The following RASSF8 variants were observed in gnomAD, a reference collection of about 807,000 sequenced individuals.
RASSF8 encodes the protein Ras association domain family member 8.
A neutral mutation model predicts 48.5 loss-of-function variants in RASSF8; 22 were observed. The ratio of observed to expected loss-of-function variants is 0.45; its 90% CI spans 0.32 to 0.65. RASSF8 has a LOEUF of 0.65. Among genes scored for constraint, RASSF8 ranks in the 30% least tolerant of loss-of-function variants. The pLI is 0.03. For missense variants in RASSF8, 418 were observed against 489.2 expected, an observed-to-expected ratio of 0.85 and a Z score of 1.37; for synonymous variants, 127 against 171.5, an observed-to-expected ratio of 0.74 and a Z score of 2.03.
intron 2 of RASSF8, among the ~76,000 whole-genome samples, chr12:26,012,682 C>CTTTTTTTT (rs775400464): frequency 4.6e-5 from 6 of 131,800 alleles, no homozygotes; most frequent in African/African-American, 5.7e-5. Context: ...GGCCTTTTTT[C>CTTTTTTTT]TTTTTTTTTT....
intron 1 of RASSF8, among the ~76,000 whole-genome samples, chr12:25,967,898 C>A (rs1292176074): frequency 6.6e-6 from 1 of 152,188 alleles, no homozygotes. Context: ...TCAAGTCATG[C>A]AAGGATGGGA....
At chr12:26,026,106 C>A (rs1331777778) in intron 2 of RASSF8, among the ~76,000 whole-genome samples, 1 of 152,078 alleles carries the variant, frequency 6.6e-6, no homozygotes, top group Non-Finnish European at 1.5e-5. Flanking sequence ...ATCAAATGTG[C>A]AAGCAACAAA....
intron 1 of RASSF8, among the ~76,000 whole-genome samples, chr12:25,976,042 A>G (rs56169892): frequency 0.098 from 14,894 of 152,224 alleles, 778 homozygotes; most frequent in Middle Eastern, 0.15. Context: ...ATTCCAAGCC[A>G]GTAGGCTTTT....
chr12:25,971,454 T>G (rs1377066452), intron 1 of RASSF8, among the ~76,000 whole-genome samples: 4 of 152,208 alleles, frequency 2.6e-5, no homozygotes, highest in African/African-American at 9.7e-5. Context: ...ATCATCCTGT[T>G]GCATATTCAG....
downstream of RASSF8, among the ~76,000 whole-genome samples, chr12:26,075,733 A>G (rs1944065995): frequency 6.6e-6 from 1 of 152,214 alleles, no homozygotes; most frequent in South Asian, 2.1e-4. Context: ...ATACTTAGTA[A>G]CAAAATATTT....
intron 2 of RASSF8, among the ~76,000 whole-genome samples, chr12:26,049,624 C>T (rs1316105233): frequency 3.3e-5 from 5 of 152,154 alleles, no homozygotes; most frequent in Admixed American, 2.0e-4. Flanking sequence ...TGTATATGGT[C>T]GAAAAAATAT....
At chr12:26,001,273 A>C (rs775110444) in intron 2 of RASSF8, among the ~76,000 whole-genome samples, 2 of 150,546 alleles carry the variant, frequency 1.3e-5, no homozygotes, top group Non-Finnish European at 3.0e-5. Flanking sequence ...GGGCTCAAGC[A>C]GTCCAACCAC....
In RASSF8 at chr12:26,008,146, G is replaced by A. The variant is rs1477452148; in HGVS notation, c.-109+13016G>A. On this transcript the variant is annotated intron_variant, in intron 2 of 5. Coordinates refer to ENST00000689635, the MANE Select transcript of RASSF8 (RefSeq NM_001394098.1). ...AAATTAGTCAGGTGTGGTGGCGGGC[G>A]CCTGTAGTCCCAGCTACTCTGGAGG... is the stretch of plus-strand genomic sequence containing the variant. 3.9e-5 allele frequency among the ~76,000 whole-genome samples: 6 copies of A among 152,018 alleles called. 1 individual carries two copies. The highest frequency in any genetic ancestry group is 4.8e-5 in the African/African-American group (2 of 41,388).
intron 3 of RASSF8, among the ~76,000 whole-genome samples, chr12:26,063,025 A>T (rs12426668): frequency 0.13 from 19,090 of 152,232 alleles, 1,565 homozygotes; most frequent in Admixed American, 0.2. Flanking sequence ...GCTCCTCATG[A>T]ATTACATACA....
intron 1 of RASSF8, among the ~76,000 whole-genome samples, chr12:25,980,235 G>A (rs932114864): frequency 1.3e-5 from 2 of 152,108 alleles, no homozygotes; most frequent in Non-Finnish European, 2.9e-5. Context: ...CTTTGGCTAG[G>A]TGGGCCATTA....
In RASSF8 at chr12:26,072,018, G is replaced by A. The variant is rs769332508; in HGVS notation, c.*3200G>A. 1.2e-4 allele frequency: 116 copies of A among 985,248 alleles called. No homozygotes were observed. Among genetic ancestry groups the A allele is most frequent in the Non-Finnish European group, 1.4e-4 (114 of 829,886 alleles). The allele number at this position is 985,248 out of a possible 1,614,324, so 61.0% of individuals were successfully genotyped here. On this transcript the variant is annotated 3_prime_UTR_variant, in exon 6 of 6. Transcript: ENST00000689635. Reference sequence around the variant, plus strand: ...TGTAAACATCTTCCAAGATAGAACTGTAATGGATTGAGGAAATAACACAGA... The same window carrying A: ...TGTAAACATCTTCCAAGATAGAACTATAATGGATTGAGGAAATAACACAGA...
chr12:26,023,344 A>G (rs1311698387), intron 2 of RASSF8, among the ~76,000 whole-genome samples: 4 of 152,248 alleles, frequency 2.6e-5, no homozygotes, highest in Admixed American at 6.5e-5. Flanking sequence ...GACACATCAT[A>G]GTAAAAATGC....
intron 2 of RASSF8, among the ~76,000 whole-genome samples, chr12:25,997,993 C>A (rs1035627695): frequency 6.6e-6 from 1 of 152,108 alleles, no homozygotes; most frequent in African/African-American, 2.4e-5. Context: ...GATTTTGAGA[C>A]AGGTTTGGTG....
At chr12:25,976,241 A>G (rs1941601884) in intron 1 of RASSF8, among the ~76,000 whole-genome samples, 1 of 152,222 alleles carries the variant, frequency 6.6e-6, no homozygotes, top group Non-Finnish European at 1.5e-5. Context: ...TTAAGGAACA[A>G]GAGGACCAGA....
rs148522834 is a variant in RASSF8, at chr12:26,022,283, C to G, written c.-109+27153C>G. 8.2e-4 allele frequency among the ~76,000 whole-genome samples: 125 copies of G among 152,258 alleles called. 1 individual carries two copies. Among genetic ancestry groups the G allele is most frequent in the Middle Eastern group, 3.4e-3 (1 of 292 alleles). On this transcript the variant is annotated intron_variant, in intron 2 of 5. Transcript: ENST00000689635. ...GTGTGCATGCCCAGTGCTGACCCTC[C>G]GAGGAGTAGCACCAAAGGCTTCACG...
chr12:26,036,244 T>A (rs1403642084), intron 2 of RASSF8, among the ~76,000 whole-genome samples: 3 of 151,962 alleles, frequency 2.0e-5, no homozygotes, highest in Non-Finnish European at 2.9e-5. Flanking sequence ...TTGTGAATCA[T>A]ATCTTTATAA....
intron 2 of RASSF8, among the ~76,000 whole-genome samples, chr12:26,029,736 A>T (rs1460890684): frequency 6.6e-6 from 1 of 152,142 alleles, no homozygotes. Context: ...TTAAATGTTG[A>T]CCATTATTAT....
rs570879181 is a variant in RASSF8, at chr12:26,047,675, G to A, written c.-108-7561G>A. On this transcript the variant is annotated intron_variant, in intron 2 of 5. Coordinates refer to ENST00000689635, the MANE Select transcript of RASSF8 (RefSeq NM_001394098.1). The stretch of plus-strand genomic sequence containing the variant: ...TTAATGCTTTGAATGAAACTATGTC[G>A]ACTTAGCTGGTAACTACCGTCTCTA... Among the ~76,000 whole-genome samples, 72 of 152,200 alleles carry A rather than the reference G, an allele frequency of 4.7e-4. No individual in the cohort carries two copies. In the East Asian group the frequency reaches 6.2e-3, roughly 13 times the overall value.
rs1033632801 is a variant in RASSF8, at chr12:26,000,017, A to G, written c.-109+4887A>G. Among the ~76,000 whole-genome samples, 141 of 152,232 alleles carry G rather than the reference A, an allele frequency of 9.3e-4. 14 individuals are homozygous for G. The highest frequency in any genetic ancestry group is 2.9e-5 in the Non-Finnish European group (2 of 68,046). On this transcript the variant is annotated intron_variant, in intron 2 of 5. Coordinates refer to ENST00000689635, the MANE Select transcript of RASSF8 (RefSeq NM_001394098.1). Reference sequence around the variant, plus strand: ...TTATATTGATTTGTAAGTTGAATATAACTCCAAGCAAAATCTCAGGAATTT... The same window carrying G: ...TTATATTGATTTGTAAGTTGAATATGACTCCAAGCAAAATCTCAGGAATTT...
Sources: gnomAD v4.1 joint callset for allele counts (sites outside exome capture counted in the v4.1 genomes callset) on GRCh38, gnomAD v4.1.1 for gene constraint, MANE v1.5 for transcripts, NCBI Gene and HGNC (gene_info 2026-07-23, HGNC 2026-07-21) for gene names.